TRPM3: variants seen among roughly 807,000 people sequenced by gnomAD.
The protein encoded by TRPM3 is long transient receptor potential channel 3.
TRPM3 carries 77 observed loss-of-function variants against 181.2 expected under a neutral mutation model. That is an observed-to-expected ratio of 0.42 (90% confidence interval 0.35 to 0.51). The LOEUF (loss-of-function observed/expected upper bound fraction) is 0.51. Ranked by LOEUF, TRPM3 falls within the 20% of genes least tolerant of loss-of-function variation. The pLI is 0.01. For missense variants in TRPM3, 1,759 were observed against 2,196.7 expected (o/e 0.80, Z 3.98); for synonymous variants, 745 against 796.4 (o/e 0.94, Z 1.09).
chr9:70,936,332 T>C (rs764828653), intron 1 of TRPM3, among the ~76,000 whole-genome samples: 1 of 152,230 alleles, frequency 6.6e-6, no homozygotes, highest in Non-Finnish European at 1.5e-5. Context: ...ATTCCATGTA[T>C]GAAGACCTGA....
chr9:71,340,303 T>C (rs2090869375), intron 1 of TRPM3, among the ~76,000 whole-genome samples: 1 of 152,118 alleles, frequency 6.6e-6, no homozygotes, highest in Admixed American at 6.6e-5. Flanking sequence ...TTTTGTTATA[T>C]ATGCATATAG....
chr9:70,938,826 C>T (rs934865632), intron 1 of TRPM3, among the ~76,000 whole-genome samples: 57 of 151,992 alleles, frequency 3.8e-4, no homozygotes, highest in African/African-American at 1.2e-3. Flanking sequence ...GGCATGGTGG[C>T]GGGCGCCTGT....
chr9:71,244,244 T>A (rs1386923694), intron 1 of TRPM3, among the ~76,000 whole-genome samples: 1 of 152,010 alleles, frequency 6.6e-6, no homozygotes, highest in East Asian at 1.9e-4. Flanking sequence ...AGAAAAGAGG[T>A]GGTCAGAGGG....
intron 22 of TRPM3, among the ~76,000 whole-genome samples, chr9:70,557,678 A>G (rs1198223042): frequency 6.6e-6 from 1 of 152,200 alleles, no homozygotes; most frequent in African/African-American, 2.4e-5. Context: ...CCAAGATGGC[A>G]CATGGGTGGA....
chr9:71,160,691 A>T (rs1321859324), intron 1 of TRPM3, among the ~76,000 whole-genome samples: 1 of 152,118 alleles, frequency 6.6e-6, no homozygotes, highest in African/African-American at 2.4e-5. Context: ...AATCTTCTTC[A>T]TTCCCTTCAT....
intron 1 of TRPM3, among the ~76,000 whole-genome samples, chr9:70,873,120 G>GA (rs1366657201): frequency 6.6e-6 from 1 of 151,896 alleles, no homozygotes; most frequent in African/African-American, 2.4e-5. Flanking sequence ...TTGGATAAGA[G>GA]AAAATCACGA....
intron 1 of TRPM3, among the ~76,000 whole-genome samples, chr9:71,245,443 C>CAA (rs61043388): frequency 0.016 from 2,203 of 133,586 alleles, 39 homozygotes; most frequent in East Asian, 0.086. Flanking sequence ...GACTCCATTT[C>CAA]AAAAAAAAAA....
chr9:70,979,856 T>TG (rs1430582677), intron 1 of TRPM3, among the ~76,000 whole-genome samples: 2 of 152,136 alleles, frequency 1.3e-5, no homozygotes, highest in East Asian at 3.9e-4. Context: ...ACCTTCTCAC[T>TG]GTGTCCTCAC....
intron 1 of TRPM3, among the ~76,000 whole-genome samples, chr9:70,981,159 G>A (rs753607914): frequency 3.3e-5 from 5 of 152,140 alleles, no homozygotes; most frequent in Non-Finnish European, 5.9e-5. Context: ...TAGTGACAAA[G>A]CTGACAATGT....
intron 3 of TRPM3, among the ~76,000 whole-genome samples, chr9:70,850,764 A>G (rs1409630111): frequency 6.6e-6 from 1 of 152,250 alleles, no homozygotes; most frequent in Admixed American, 6.5e-5. Context: ...AAAATAAAGT[A>G]GAACTGGGAC....
chr9:71,243,225 A>G (rs537348519), intron 1 of TRPM3, among the ~76,000 whole-genome samples: 1 of 152,294 alleles, frequency 6.6e-6, no homozygotes, highest in South Asian at 2.1e-4. Context: ...TATTTTTAGT[A>G]AAGATTGGGT....
chr9:71,263,589 ATT>A (rs1342404718), intron 1 of TRPM3, among the ~76,000 whole-genome samples: 2 of 152,078 alleles, frequency 1.3e-5, no homozygotes, highest in Admixed American at 1.3e-4. Context: ...ATTTCATCTT[ATT>A]TACTTTCATA....
At chr9:71,353,097 C>T (rs1334859966) in intron 1 of TRPM3, among the ~76,000 whole-genome samples, 1 of 152,144 alleles carries the variant, frequency 6.6e-6, no homozygotes, top group African/African-American at 2.4e-5. Context: ...TTCTTACCAC[C>T]TGCTCTCTCT....
intron 1 of TRPM3, among the ~76,000 whole-genome samples, chr9:70,976,588 G>A (rs1330255718): frequency 6.6e-6 from 1 of 152,184 alleles, no homozygotes; most frequent in Non-Finnish European, 1.5e-5. Context: ...CGTATTCTAA[G>A]TGTTTATGTC....
chr9:70,739,597 TA>T (rs2073550278), intron 8 of TRPM3, among the ~76,000 whole-genome samples: 1 of 152,126 alleles, frequency 6.6e-6, no homozygotes, highest in South Asian at 2.1e-4. Flanking sequence ...TTTTATTATT[TA>T]TTTTTTTTTT....
intron 7 of TRPM3, among the ~76,000 whole-genome samples, chr9:70,769,444 G>A (rs770506225): frequency 4.0e-5 from 6 of 151,898 alleles, no homozygotes; most frequent in Admixed American, 3.3e-4. Context: ...TACACATGGA[G>A]GTTTGTTACA....
Position 70,620,171 on chromosome 9 carries a change from G to A in TRPM3, c.2034C>T (p.Ala678=), listed in dbSNP as rs1237056995. The change falls in exon 16 of 26, where the codon GCC becomes GCT. Residue 678 remains alanine (A), a synonymous_variant. Coordinates refer to ENST00000677713, the MANE Select transcript of TRPM3 (RefSeq NM_001366145.2). The stretch of plus-strand genomic sequence containing the variant: ...CTTTGCAGAGCTTGCAGGCCACCAG[G>A]GCCTTGGCCATGGCCTCCTCACCGT... The part of the protein sequence containing the change: ...WQHGEEAMAK[A]LVACKLCKAM... 6.2e-7 allele frequency: 1 copy of A among 1,614,196 alleles called. No homozygotes were observed. Among genetic ancestry groups the A allele is most frequent in the Admixed American group, 1.7e-5 (1 of 60,030 alleles).
At chr9:70,621,678 A>C (rs953396447) in intron 14 of TRPM3, among the ~76,000 whole-genome samples, 1 of 152,194 alleles carries the variant, frequency 6.6e-6, no homozygotes, top group Admixed American at 6.5e-5. Context: ...CAAGAGTCCT[A>C]TTATATTTTA....
At chr9:70,894,662 G>A (rs1206435910) in intron 1 of TRPM3, among the ~76,000 whole-genome samples, 1 of 151,778 alleles carries the variant, frequency 6.6e-6, no homozygotes, top group Admixed American at 6.6e-5. Context: ...GTGAATGCAA[G>A]ATTTGGCTTC....
Sources: gnomAD v4.1 joint callset for allele counts (sites outside exome capture counted in the v4.1 genomes callset) on GRCh38, gnomAD v4.1.1 for gene constraint, MANE v1.5 for transcripts, NCBI Gene and HGNC (gene_info 2026-07-23, HGNC 2026-07-21) for gene names.